The following NRXN3 variants were observed in gnomAD, a reference collection of about 807,000 sequenced individuals.
NRXN3 encodes neurexin 3.
NRXN3 carries 32 observed loss-of-function variants against 137.6 expected under a neutral mutation model. The ratio of observed to expected loss-of-function variants is 0.23; its 90% CI spans 0.18 to 0.31. The LOEUF is 0.31. Among genes scored for constraint, NRXN3 ranks in the 10% least tolerant of loss-of-function variants. NRXN3 has a pLI of 1.00. For synonymous variants in NRXN3, 798 were observed against 784.5 expected (o/e 1.02, Z -0.29); for missense variants, 1,574 against 2,062.5 (o/e 0.76, Z 4.59).
At chr14:79,280,186 G>A in intron 15 of NRXN3, 1 of 1,521,330 alleles carries the variant, frequency 6.6e-7, no homozygotes, top group Non-Finnish European at 8.8e-7. Flanking sequence ...CCGAATTCTG[G>A]CAACTCTTCC....
At chr14:78,250,713 A>G (rs1327499390) in intron 2 of NRXN3, among the ~76,000 whole-genome samples, 3 of 152,144 alleles carry the variant, frequency 2.0e-5, no homozygotes, top group Non-Finnish European at 4.4e-5. Context: ...CAAGGGTATG[A>G]GGGCAAGTGT....
At chr14:78,250,480 A>G (rs1350001083) in intron 2 of NRXN3, among the ~76,000 whole-genome samples, 2 of 152,190 alleles carry the variant, frequency 1.3e-5, no homozygotes, top group African/African-American at 4.8e-5. Context: ...TAGAGATAAA[A>G]GGAGGGGAAT....
chr14:78,778,758 CTCTT>C (rs10701078), intron 8 of NRXN3, among the ~76,000 whole-genome samples: 18,447 of 96,934 alleles, frequency 0.19, 1,911 homozygotes, highest in South Asian at 0.23. Flanking sequence ...TTCCTTCTTT[CTCTT>C]TCTTTCTTTC....
intron 8 of NRXN3, among the ~76,000 whole-genome samples, chr14:78,762,791 T>C (rs879598096): frequency 2.6e-5 from 4 of 152,194 alleles, no homozygotes; most frequent in Non-Finnish European, 5.9e-5. Context: ...GCTCTAATCA[T>C]AGTAATTAGT....
chr14:78,553,049 CT>C (rs1321887443), intron 4 of NRXN3, among the ~76,000 whole-genome samples: 1 of 152,144 alleles, frequency 6.6e-6, no homozygotes, highest in Non-Finnish European at 1.5e-5. Context: ...TTTCCCAGGA[CT>C]ATTTTAATTA....
At chr14:78,882,911 G>A (rs2099133296) in intron 10 of NRXN3, among the ~76,000 whole-genome samples, 1 of 151,648 alleles carries the variant, frequency 6.6e-6, no homozygotes, top group Admixed American at 6.6e-5. Context: ...GTTATGGGAG[G>A]GACCCAGTGG....
intron 2 of NRXN3, among the ~76,000 whole-genome samples, chr14:78,274,166 G>A (rs1475935511): frequency 6.6e-6 from 1 of 152,172 alleles, no homozygotes; most frequent in Non-Finnish European, 1.5e-5. Flanking sequence ...GTGAATGATG[G>A]GCCCTTTCTT....
intron 4 of NRXN3, among the ~76,000 whole-genome samples, chr14:78,351,426 G>A (rs1393191729): frequency 6.6e-6 from 1 of 152,138 alleles, no homozygotes; most frequent in Non-Finnish European, 1.5e-5. Flanking sequence ...TGAAGTGATT[G>A]TACCAACTAA....
chr14:79,019,321 A>T (rs952155681), intron 15 of NRXN3, among the ~76,000 whole-genome samples: 9 of 152,202 alleles, frequency 5.9e-5, no homozygotes, highest in African/African-American at 2.2e-4. Context: ...TTATTTGCAT[A>T]TATCTTATGC....
At chr14:78,707,427 C>T (rs996521356) in intron 6 of NRXN3, among the ~76,000 whole-genome samples, 8 of 152,094 alleles carry the variant, frequency 5.3e-5, no homozygotes, top group Admixed American at 3.3e-4. Context: ...ATCAGAGCGC[C>T]AAAAACCATT....
chr14:78,410,606 A>T (rs150766961), intron 4 of NRXN3, among the ~76,000 whole-genome samples: 36 of 152,188 alleles, frequency 2.4e-4, no homozygotes, highest in African/African-American at 8.4e-4. Flanking sequence ...ATATGGGGAG[A>T]TACGTGGGTG....
chr14:79,639,759 T>C (rs1271880728), intron 16 of NRXN3, among the ~76,000 whole-genome samples: 1 of 152,226 alleles, frequency 6.6e-6, no homozygotes, highest in Non-Finnish European at 1.5e-5. Flanking sequence ...TAAATATTTT[T>C]ACAGGTGGCT....
intron 15 of NRXN3, among the ~76,000 whole-genome samples, chr14:79,229,099 A>G (rs1401972677): frequency 6.6e-6 from 1 of 152,108 alleles, no homozygotes; most frequent in East Asian, 1.9e-4. Flanking sequence ...AGTTAATCAA[A>G]TTTCCATCAT....
intron 4 of NRXN3, among the ~76,000 whole-genome samples, chr14:78,534,053 G>T (rs1414679917): frequency 2.0e-5 from 3 of 152,202 alleles, no homozygotes; most frequent in Non-Finnish European, 4.4e-5. Flanking sequence ...AAGTAATGGT[G>T]CACTTTGGGA....
intron 4 of NRXN3, among the ~76,000 whole-genome samples, chr14:78,324,568 G>A (rs904947381): frequency 2.6e-5 from 4 of 152,016 alleles, no homozygotes; most frequent in African/African-American, 9.7e-5. Flanking sequence ...ACGCAATGTG[G>A]GAAATTTACA....
chr14:79,566,900 A>AT, intron 16 of NRXN3, among the ~76,000 whole-genome samples: 1 of 152,256 alleles, frequency 6.6e-6, no homozygotes, highest in East Asian at 1.9e-4. Context: ...AATTTCGTTT[A>AT]ATTGAAGGGA....
At chr14:79,230,411 T>C (rs1024287687) in intron 15 of NRXN3, among the ~76,000 whole-genome samples, 7 of 152,140 alleles carry the variant, frequency 4.6e-5, no homozygotes, top group African/African-American at 1.4e-4. Context: ...CTTACCTACA[T>C]AAACTGAAGA....
intron 10 of NRXN3, among the ~76,000 whole-genome samples, chr14:78,910,673 C>A (rs1170395626): frequency 1.3e-5 from 2 of 152,082 alleles, no homozygotes; most frequent in East Asian, 3.9e-4. Flanking sequence ...TTTATGGATC[C>A]TATCACCATC....
At chr14:79,832,256 C>T (rs2099326246) in intron 20 of NRXN3, among the ~76,000 whole-genome samples, 1 of 152,076 alleles carries the variant, frequency 6.6e-6, no homozygotes, top group African/African-American at 2.4e-5. Flanking sequence ...TACTACTTCC[C>T]TTTTACTTAT....
Sources: allele counts gnomAD v4.1 joint callset (sites outside exome capture counted in the v4.1 genomes callset), GRCh38; gene constraint gnomAD v4.1.1; transcripts MANE v1.5; gene names NCBI Gene and HGNC (gene_info 2026-07-23, HGNC 2026-07-21).